Variants in AGBL4 observed in about 807,000 individuals in gnomAD.
AGBL4 encodes AGBL carboxypeptidase 4.
A neutral mutation model predicts 66.4 loss-of-function variants in AGBL4; 58 were observed. The observed-to-expected ratio is 0.87, with a 90% CI of 0.71 to 1.09. The LOEUF (loss-of-function observed/expected upper bound fraction) is 1.09, where lower values mean the gene tolerates loss of function less well. Among genes scored for constraint, AGBL4 ranks in the 50% least tolerant of loss-of-function variants. The pLI is 0.00. For missense variants in AGBL4, 579 were observed against 631.0 expected, an observed-to-expected ratio of 0.92 and a Z score of 0.88; for synonymous variants, 234 against 222.9, an observed-to-expected ratio of 1.05 and a Z score of -0.44.
At chr1:48,723,773 T>C (rs566286137) in intron 6 of AGBL4, among the ~76,000 whole-genome samples, 31 of 152,380 alleles carry the variant, frequency 2.0e-4, no homozygotes, top group Middle Eastern at 6.8e-3. Flanking sequence ...ACCCATTATA[T>C]ATATCAAGAG....
At chr1:49,580,060 A>G (rs749534932) in intron 3 of AGBL4, among the ~76,000 whole-genome samples, 5 of 152,150 alleles carry the variant, frequency 3.3e-5, no homozygotes, top group Non-Finnish European at 7.3e-5. Flanking sequence ...GTGATTATAT[A>G]ATAACCTTCT....
chr1:49,266,668 A>C (rs1442558542), intron 3 of AGBL4, among the ~76,000 whole-genome samples: 1 of 151,874 alleles, frequency 6.6e-6, no homozygotes, highest in African/African-American at 2.4e-5. Flanking sequence ...AGGGAAGGAG[A>C]GGTGAATTTT....
rs75919162 is a variant in AGBL4 at position 49,615,940 on chromosome 1, G to A, written c.282+81373C>T. Among the ~76,000 whole-genome samples the A allele has an allele frequency of 1.4e-3, 214 of 152,200 alleles. 7 individuals carry two copies. In the East Asian group the frequency reaches 0.038, roughly 27 times the overall value. On this transcript the variant is annotated intron_variant, in intron 3 of 13. Coordinates refer to ENST00000371839, the MANE Select transcript of AGBL4 (RefSeq NM_032785.4). ...CCCACTATTTAGCTGGGCACACAAT[G>A]TATTCACTGTAGCCTATTCCTCATC...
intron 3 of AGBL4, among the ~76,000 whole-genome samples, chr1:49,538,531 T>C (rs1344247479): frequency 6.6e-6 from 1 of 152,200 alleles, no homozygotes; most frequent in Non-Finnish European, 1.5e-5. Context: ...TGATGCATCA[T>C]ATTCTGTTTA....
chr1:49,530,268 A>AAAAAAAAAAAAAAAAAAAAAG (rs1651004837), intron 3 of AGBL4, among the ~76,000 whole-genome samples: 1 of 142,622 alleles, frequency 7.0e-6, no homozygotes. Flanking sequence ...GTAAAAAAAA[A>AAAAAAAAAAAAAAAAAAAAAG]AAAACAAAAA....
chr1:49,936,492 C>T (rs1419541902), intron 1 of AGBL4, among the ~76,000 whole-genome samples: 4 of 152,086 alleles, frequency 2.6e-5, no homozygotes, highest in African/African-American at 7.2e-5. Flanking sequence ...GAGAACGCCA[C>T]AAAGATACTC....
At chr1:49,738,260 TC>T (rs1464063803) in intron 2 of AGBL4, among the ~76,000 whole-genome samples, 3 of 152,190 alleles carry the variant, frequency 2.0e-5, no homozygotes, top group African/African-American at 7.2e-5. Flanking sequence ...GGAGATTGTA[TC>T]CCGTGCCTGG....
chr1:49,517,795 A>T (rs2148795595), intron 3 of AGBL4, among the ~76,000 whole-genome samples: 2 of 152,182 alleles, frequency 1.3e-5, no homozygotes, highest in African/African-American at 4.8e-5. Flanking sequence ...TGATTTCTGG[A>T]AGCATTTACA....
intron 4 of AGBL4, among the ~76,000 whole-genome samples, chr1:49,116,426 T>C (rs1420817586): frequency 6.6e-6 from 1 of 152,182 alleles, no homozygotes; most frequent in African/African-American, 2.4e-5. Flanking sequence ...TGTGTCCAAG[T>C]ATTCTCATTG....
intron 1 of AGBL4, among the ~76,000 whole-genome samples, chr1:49,947,633 C>G (rs929966002): frequency 6.6e-6 from 1 of 151,538 alleles, no homozygotes; most frequent in East Asian, 1.9e-4. Context: ...AGAACTGGAA[C>G]AAGACAAGGA....
At chr1:49,005,981 A>G (rs2148996572) in intron 5 of AGBL4, among the ~76,000 whole-genome samples, 1 of 152,200 alleles carries the variant, frequency 6.6e-6, no homozygotes, top group East Asian at 1.9e-4. Context: ...AGCCTAGGCG[A>G]CAGAGTGAGA....
intron 5 of AGBL4, among the ~76,000 whole-genome samples, chr1:48,875,325 A>C (rs770532792): frequency 2.6e-5 from 4 of 152,132 alleles, no homozygotes; most frequent in Non-Finnish European, 5.9e-5. Context: ...CAGGGGAAAC[A>C]TGAACAGTGG....
At chr1:48,633,580 C>G (rs1258795170) in intron 9 of AGBL4, among the ~76,000 whole-genome samples, 1 of 152,206 alleles carries the variant, frequency 6.6e-6, no homozygotes, top group East Asian at 1.9e-4. Flanking sequence ...GCAAAGCTCA[C>G]AGCTCACACA....
chr1:49,972,648 T>C (rs575548553), intron 1 of AGBL4, among the ~76,000 whole-genome samples: 8 of 152,326 alleles, frequency 5.3e-5, no homozygotes, highest in African/African-American at 1.2e-4. Flanking sequence ...ATTAGACATT[T>C]TGAGAAAGAG....
At chr1:49,831,390 T>C (rs192175775) in intron 2 of AGBL4, among the ~76,000 whole-genome samples, 2 of 152,150 alleles carry the variant, frequency 1.3e-5, no homozygotes, top group African/African-American at 4.8e-5. Flanking sequence ...GGAGTTCACT[T>C]ATGATTTGGC....
chr1:49,366,029 C>T (rs1466241329), intron 3 of AGBL4, among the ~76,000 whole-genome samples: 2 of 152,166 alleles, frequency 1.3e-5, no homozygotes, highest in African/African-American at 2.4e-5. Context: ...GATTCAAGGT[C>T]CCCTTTGTTT....
intron 13 of AGBL4, among the ~76,000 whole-genome samples, chr1:48,534,518 A>G (rs1453926657): frequency 6.6e-6 from 1 of 152,180 alleles, no homozygotes; most frequent in Non-Finnish European, 1.5e-5. Flanking sequence ...AAATAACTAC[A>G]CAAAACAATA....
At chr1:49,547,624 C>T (rs1302244541) in intron 3 of AGBL4, among the ~76,000 whole-genome samples, 2 of 152,164 alleles carry the variant, frequency 1.3e-5, no homozygotes, top group Non-Finnish European at 2.9e-5. Context: ...ATTGATTCTA[C>T]CCATCCTTGA....
intron 1 of AGBL4, among the ~76,000 whole-genome samples, chr1:49,940,924 T>G (rs544229368): frequency 5.3e-5 from 8 of 152,118 alleles, no homozygotes; most frequent in Admixed American, 3.3e-4. Flanking sequence ...TATTAAACTT[T>G]TAGCTTAAGT....
Sources: allele counts gnomAD v4.1 joint callset (sites outside exome capture counted in the v4.1 genomes callset), GRCh38; gene constraint gnomAD v4.1.1; transcripts MANE v1.5; gene names NCBI Gene and HGNC (gene_info 2026-07-23, HGNC 2026-07-21).